Variants in TRPM7 observed in about 807,000 individuals in gnomAD.
The protein encoded by TRPM7 is transient receptor potential cation channel subfamily M member 7.
TRPM7 carries 134 observed loss-of-function variants against 229.7 expected under a neutral mutation model. The ratio of observed to expected loss-of-function variants is 0.58; its 90% CI spans 0.51 to 0.67. TRPM7 has a LOEUF of 0.67. TRPM7 is among the 30% of genes least tolerant of loss of function. The probability of loss-of-function intolerance (pLI) is 0.00; values close to 1 mark genes in which losing one functional copy is unlikely to be tolerated. For missense variants in TRPM7, 1,901 were observed against 2,210.0 expected (o/e 0.86, Z 2.80); for synonymous variants, 699 against 715.2 (o/e 0.98, Z 0.36).
At chr15:50,564,005 C>T (rs901615390) in intron 38 of TRPM7, among the ~76,000 whole-genome samples, 2 of 152,084 alleles carry the variant, frequency 1.3e-5, no homozygotes, top group African/African-American at 2.4e-5. Flanking sequence ...GGATTACAGG[C>T]CTGTGACACC....
chr15:50,664,212 C>T (rs2061818040), intron 1 of TRPM7, among the ~76,000 whole-genome samples: 1 of 150,198 alleles, frequency 6.7e-6, no homozygotes, highest in South Asian at 2.1e-4. Context: ...GCAGGAGAAT[C>T]GCTTGAACCA....
intron 12 of TRPM7, among the ~76,000 whole-genome samples, chr15:50,623,319 G>A (rs1339516625): frequency 1.3e-5 from 2 of 151,872 alleles, no homozygotes; most frequent in African/African-American, 4.8e-5. Flanking sequence ...GGCTGAGGCA[G>A]GAGAATCACT....
chr15:50,645,205 A>C (rs1261734113), intron 4 of TRPM7, among the ~76,000 whole-genome samples: 2 of 151,706 alleles, frequency 1.3e-5, no homozygotes, highest in Non-Finnish European at 2.9e-5. Context: ...CAGCATGGTT[A>C]ATTTTTTTGT....
At position 50,557,252 on chromosome 15, in the gene TRPM7, G is replaced by A. The variant is rs1439648849; in HGVS notation, c.*4426C>T. On this transcript the variant is annotated 3_prime_UTR_variant, in exon 39 of 39. Transcript: ENST00000646667. ...AACATTACGACCCATCTCTTCAAGA[G>A]GAAGTCTGGTATTATGGAAAAACAT... 1.3e-5 allele frequency: 2 copies of A among 152,180 alleles called. No individual in the cohort carries two copies. Among genetic ancestry groups the A allele is most frequent in the Non-Finnish European group, 2.9e-5 (2 of 68,030 alleles). The allele number at this position is 152,180 out of a possible 1,614,324, so 9.4% of individuals were successfully genotyped here.
chr15:50,564,053 T>C (rs989631984), intron 38 of TRPM7, among the ~76,000 whole-genome samples: 3 of 151,750 alleles, frequency 2.0e-5, no homozygotes, highest in Non-Finnish European at 4.4e-5. Context: ...TAGAGACTGG[T>C]TTTTGCCATA....
At chr15:50,653,594 C>T (rs1473601343) in intron 3 of TRPM7, among the ~76,000 whole-genome samples, 1 of 152,182 alleles carries the variant, frequency 6.6e-6, no homozygotes, top group South Asian at 2.1e-4. Flanking sequence ...ACCCCCATGA[C>T]TGCACCAGCT....
chr15:50,593,779 G>A (rs567109), intron 24 of TRPM7, 30 bp from the exon 25 acceptor site: 6 of 1,583,538 alleles, frequency 3.8e-6, no homozygotes, highest in Middle Eastern at 3.5e-4. Context: ...AGAAAATCAA[G>A]GAAGAGCTAT....
chr15:50,634,469 C>T lies in TRPM7; in HGVS notation c.920G>A (p.Ser307Asn). The T allele has an allele frequency of 1.9e-6, 3 of 1,584,850 alleles. No individual in the cohort carries two copies. Among genetic ancestry groups the T allele is most frequent in the East Asian group, 2.4e-5 (1 of 42,002 alleles). The change falls in exon 8 of 39, where the codon AGC becomes AAC. Residue 307 changes from serine to asparagine, a missense_variant. By Grantham distance (46) the Ser-to-Asn change is conservative. This residue lies in a region of TRPM7 where 794 missense variants were observed against 881.9 expected (regional missense o/e 0.90). Transcript: ENST00000646667. ...ILTVLEYLQE[S>N]PPVPVVVCEG... ...ACACACAACTACTGGAACAGGGGGG[C>T]TTTCCTGAAGGTATTCAAGAACTGT...
chr15:50,653,229 T>C (rs547392478), intron 3 of TRPM7, among the ~76,000 whole-genome samples: 7 of 152,248 alleles, frequency 4.6e-5, no homozygotes, highest in Non-Finnish European at 1.0e-4. Context: ...AGTGGGAGCA[T>C]AGCTTGAGCC....
chr15:50,648,783 T>C lies in TRPM7; in HGVS notation c.225A>G (p.Ile75Met). Residue 75 changes from isoleucine to methionine, a missense_variant, in exon 4 of 39, where the codon ATA becomes ATG. Around this residue, in one of 8 missense-constraint regions of TRPM7, gnomAD observed 794 missense variants for 881.9 expected, o/e 0.90. Transcript: ENST00000646667. ...TATGCTTTTCCACAGACCATTCTTC[T>C]ATTGCCTGATTAAAATGGTCACCCA... ...VKLGDHFNQA[I>M]EEWSVEKHTE... is the part of the protein sequence containing the mutation. 4 of 1,613,592 alleles carry C rather than the reference T, an allele frequency of 2.5e-6. No homozygotes were observed. In the African/African-American group the frequency reaches 4.0e-5, roughly 16 times the overall value.
chr15:50,563,688 T>C (rs1015358779), intron 38 of TRPM7, among the ~76,000 whole-genome samples: 2 of 152,198 alleles, frequency 1.3e-5, no homozygotes, highest in African/African-American at 4.8e-5. Context: ...GAATTTTGGA[T>C]TGGACACGTT....
At chr15:50,651,538 T>C (rs1280303772) in intron 3 of TRPM7, among the ~76,000 whole-genome samples, 1 of 152,168 alleles carries the variant, frequency 6.6e-6, no homozygotes, top group Non-Finnish European at 1.5e-5. Context: ...GGCTCATGCC[T>C]ATAATCCCAG....
At chr15:50,614,393 A>G (rs1267008906) in intron 13 of TRPM7, 130 bp from the exon 14 acceptor site, 1 of 820,082 alleles carries the variant, frequency 1.2e-6, no homozygotes, top group Non-Finnish European at 1.8e-6. Context: ...GGCCAGGTGC[A>G]GTGGCTCACG....
chr15:50,672,767 A>G (rs2414061), intron 1 of TRPM7, among the ~76,000 whole-genome samples: 89,079 of 150,886 alleles, frequency 0.59, 26,594 homozygotes, highest in African/African-American at 0.67. Flanking sequence ...AAAATTAGCC[A>G]AGTGTGGTGG....
chr15:50,675,663 T>C (rs1440255955), intron 1 of TRPM7, among the ~76,000 whole-genome samples: 2 of 152,232 alleles, frequency 1.3e-5, no homozygotes, highest in Non-Finnish European at 2.9e-5. Flanking sequence ...TAAATACATA[T>C]AAAAATCCTA....
At chr15:50,584,125 A>C (rs1273248070) in intron 28 of TRPM7, among the ~76,000 whole-genome samples, 2 of 152,222 alleles carry the variant, frequency 1.3e-5, no homozygotes, top group African/African-American at 2.4e-5. Context: ...TTCCAAAAAA[A>C]GTCAGGTCAT....
intron 1 of TRPM7, among the ~76,000 whole-genome samples, chr15:50,679,541 T>TGTATATATATAATATA (rs2062197527): frequency 1.4e-5 from 1 of 70,764 alleles, no homozygotes; most frequent in African/African-American, 4.3e-5. Context: ...TATATATATT[T>TGTATATATATAATATA]TTTTTTTTTT....
At chr15:50,635,726 T>C (rs964985045) in intron 7 of TRPM7, among the ~76,000 whole-genome samples, 7 of 140,690 alleles carry the variant, frequency 5.0e-5, no homozygotes, top group African/African-American at 8.1e-5. Flanking sequence ...ATGCCTGTAA[T>C]TGCAGTACTT....
In TRPM7 at chr15:50,570,087, T is replaced by C. The variant is rs1356846344; in HGVS notation, c.5360+17A>G. 1.9e-6 allele frequency: 3 copies of C among 1,602,890 alleles called. No homozygotes were observed. Among genetic ancestry groups the C allele is most frequent in the African/African-American group, 2.7e-5 (2 of 74,220 alleles). On this transcript the variant is annotated intron_variant, in intron 37 of 38. Coordinates refer to ENST00000646667, the MANE Select transcript of TRPM7 (RefSeq NM_017672.6). ...AATGTGAAATTATGCCTTAATGAAA[T>C]AGTTAAAACTTATTACCTCTTTTCT...
Sources: allele counts gnomAD v4.1 joint callset (sites outside exome capture counted in the v4.1 genomes callset), GRCh38; gene constraint gnomAD v4.1.1; regional missense constraint gnomAD v4.1.1; transcripts MANE v1.5; gene names NCBI Gene and HGNC (gene_info 2026-07-23, HGNC 2026-07-21).